ENOX1: variants seen among roughly 807,000 people sequenced by gnomAD.
ENOX1 encodes candidate growth-related and time keeping constitutive hydroquinone (NADH) oxidase.
ENOX1 carries 42 observed loss-of-function variants against 82.5 expected under a neutral mutation model. That is an observed-to-expected ratio of 0.51 (90% CI 0.40 to 0.66). The LOEUF is 0.66. ENOX1 is among the 30% of genes least tolerant of loss of function. ENOX1 has a pLI of 0.00. For synonymous variants in ENOX1, 271 were observed against 282.2 expected (o/e 0.96, Z 0.40); for missense variants, 608 against 811.6 (o/e 0.75, Z 3.05).
At chr13:43,746,911 C>T (rs953176296) in intron 1 of ENOX1, among the ~76,000 whole-genome samples, 2 of 152,150 alleles carry the variant, frequency 1.3e-5, no homozygotes, top group South Asian at 2.1e-4. Context: ...AGTTTGTCTC[C>T]TCTTAACCAG....
At position 43,389,356 on chromosome 13, in the gene ENOX1, C is replaced by T. The variant is rs1307228795; in HGVS notation, c.208+22560G>A. Among the ~76,000 whole-genome samples, 8 of 152,190 alleles carry T rather than the reference C, an allele frequency of 5.3e-5. 1 individual carries two copies. Among genetic ancestry groups the T allele is most frequent in the Admixed American group, 5.2e-4 (8 of 15,282 alleles). ...AGTAATGGAAGCAGATGTGTGATATCATTCACCCATGGAGTTAGTAAAAGT... is the reference window on the plus strand; with the variant it reads ...AGTAATGGAAGCAGATGTGTGATATTATTCACCCATGGAGTTAGTAAAAGT... On this transcript the variant is annotated intron_variant, in intron 5 of 16. Coordinates refer to ENST00000690772, the MANE Select transcript of ENOX1 (RefSeq NM_001347969.2).
intron 14 of ENOX1, among the ~76,000 whole-genome samples, chr13:43,244,092 T>C (rs1012309697): frequency 6.6e-6 from 1 of 151,206 alleles, no homozygotes. Flanking sequence ...TGAGGCAGAA[T>C]GGCCGAATGG....
At chr13:43,532,002 C>T (rs2078250279) in intron 2 of ENOX1, among the ~76,000 whole-genome samples, 1 of 151,546 alleles carries the variant, frequency 6.6e-6, no homozygotes, top group Non-Finnish European at 1.5e-5. Context: ...TGCAGCACAC[C>T]AACATTGCAC....
intron 3 of ENOX1, among the ~76,000 whole-genome samples, chr13:43,470,255 TATATACATATATATAC>T (rs1566304951): frequency 8.8e-5 from 6 of 68,244 alleles, no homozygotes; most frequent in African/African-American, 2.5e-4. Flanking sequence ...TATACATATA[TATATACATATATATAC>T]ACATATATAT....
At chr13:43,625,180 G>A (rs933766801) in intron 2 of ENOX1, among the ~76,000 whole-genome samples, 1 of 152,038 alleles carries the variant, frequency 6.6e-6, no homozygotes, top group South Asian at 2.1e-4. Context: ...TTCATTGCCA[G>A]TATATCAAAA....
At chr13:43,316,674 G>A (rs1427025165) in intron 11 of ENOX1, among the ~76,000 whole-genome samples, 4 of 151,496 alleles carry the variant, frequency 2.6e-5, no homozygotes, top group South Asian at 2.1e-4. Flanking sequence ...TATCCATTAC[G>A]GAAAGGGAAT....
At chr13:43,446,215 C>T (rs1017432573) in intron 3 of ENOX1, among the ~76,000 whole-genome samples, 20 of 151,526 alleles carry the variant, frequency 1.3e-4, no homozygotes, top group Admixed American at 3.9e-4. Context: ...TTGTAAACTG[C>T]CATATAAAAA....
At chr13:43,731,527 G>GTT (rs5803210) in intron 1 of ENOX1, among the ~76,000 whole-genome samples, 11,919 of 147,602 alleles carry the variant, frequency 0.081, 712 homozygotes, top group African/African-American at 0.16. Flanking sequence ...TCCTGTTTTT[G>GTT]TTTTTTTTTT....
intron 14 of ENOX1, among the ~76,000 whole-genome samples, chr13:43,260,772 A>G (rs1566361726): frequency 6.6e-6 from 1 of 152,250 alleles, no homozygotes; most frequent in Non-Finnish European, 1.5e-5. Flanking sequence ...GAGATAGCTC[A>G]GAGACAGAGA....
At chr13:43,695,977 T>C (rs2086623203) in intron 1 of ENOX1, among the ~76,000 whole-genome samples, 1 of 152,210 alleles carries the variant, frequency 6.6e-6, no homozygotes, top group Non-Finnish European at 1.5e-5. Flanking sequence ...TGATAACTAC[T>C]ACTCTACTTT....
At chr13:43,599,386 T>C (rs1023370603) in intron 2 of ENOX1, among the ~76,000 whole-genome samples, 1 of 151,902 alleles carries the variant, frequency 6.6e-6, no homozygotes, top group Admixed American at 6.6e-5. Flanking sequence ...GCAGTGATAG[T>C]GGGACTTTGC....
At chr13:43,323,993 G>C (rs150613371) in intron 10 of ENOX1, among the ~76,000 whole-genome samples, 21 of 152,334 alleles carry the variant, frequency 1.4e-4, no homozygotes, top group African/African-American at 5.1e-4. Context: ...GGTCCGAGGT[G>C]GGGTGCAGGG....
intron 3 of ENOX1, among the ~76,000 whole-genome samples, chr13:43,460,039 A>C (rs1220814504): frequency 1.3e-5 from 2 of 152,146 alleles, no homozygotes; most frequent in East Asian, 3.8e-4. Flanking sequence ...AAACCAAAAA[A>C]TAACAACAAG....
intron 5 of ENOX1, among the ~76,000 whole-genome samples, chr13:43,367,052 T>C (rs1441843138): frequency 1.3e-5 from 2 of 152,166 alleles, no homozygotes; most frequent in African/African-American, 4.8e-5. Flanking sequence ...AACATATGAG[T>C]GCCTACTAGG....
intron 1 of ENOX1, among the ~76,000 whole-genome samples, chr13:43,717,749 C>T (rs1427001372): frequency 6.6e-6 from 1 of 152,062 alleles, no homozygotes; most frequent in Non-Finnish European, 1.5e-5. Context: ...AGACACTTCT[C>T]AAAATAAGAT....
At chr13:43,780,517 T>A (rs965196148) in intron 1 of ENOX1, among the ~76,000 whole-genome samples, 2 of 152,136 alleles carry the variant, frequency 1.3e-5, no homozygotes, top group Non-Finnish European at 1.5e-5. Flanking sequence ...ACAAAGGAGA[T>A]AAACACCTGG....
intron 8 of ENOX1, 127 bp downstream of exon 8, chr13:43,355,792 T>G: frequency 1.0e-6 from 1 of 989,314 alleles, no homozygotes; most frequent in South Asian, 1.6e-5. Context: ...CACCAGACTC[T>G]TACAGCCTTC....
chr13:43,304,463 C>T lies in ENOX1; in HGVS notation c.1262-5933G>A, dbSNP rs1053887959. Reference sequence around the variant, plus strand: ...GGCTAGCTTAGCTCCATGTAAGTGCCGCCCATCCCAGAGAAAGGAGTAAAC... The same window carrying T: ...GGCTAGCTTAGCTCCATGTAAGTGCTGCCCATCCCAGAGAAAGGAGTAAAC... On this transcript the variant is annotated intron_variant, in intron 11 of 16. Transcript: ENST00000690772. Among the ~76,000 whole-genome samples the T allele has an allele frequency of 5.3e-5, 8 of 152,238 alleles. No individual in the cohort carries two copies. In the East Asian group the frequency reaches 5.8e-4, roughly 11 times the overall value.
At chr13:43,498,099 G>A (rs571396776) in intron 2 of ENOX1, among the ~76,000 whole-genome samples, 24 of 151,952 alleles carry the variant, frequency 1.6e-4, no homozygotes, top group Non-Finnish European at 2.8e-4. Flanking sequence ...CATTAAACTC[G>A]CTGGTACTTT....
Sources: gnomAD v4.1 joint callset for allele counts (sites outside exome capture counted in the v4.1 genomes callset) on GRCh38, gnomAD v4.1.1 for gene constraint, MANE v1.5 for transcripts, NCBI Gene and HGNC (gene_info 2026-07-23, HGNC 2026-07-21) for gene names.